Variants in IL1RAPL1 observed in about 807,000 individuals in gnomAD.
The protein encoded by IL1RAPL1 is interleukin-1 receptor accessory protein-like 1.
Under a neutral mutation model 48.4 loss-of-function variants are expected in IL1RAPL1, and 3 were observed. The observed-to-expected ratio is 0.06, with a 90% confidence interval of 0.03 to 0.16. IL1RAPL1 has a LOEUF of 0.16. Ranked by LOEUF, IL1RAPL1 falls within the 10% of genes least tolerant of loss-of-function variation. The pLI, the probability that IL1RAPL1 is intolerant of heterozygous loss-of-function variation, is 1.00. For missense variants in IL1RAPL1, 349 were observed against 530.6 expected, an observed-to-expected ratio of 0.66 and a Z score of 3.36; for synonymous variants, 185 against 187.7, an observed-to-expected ratio of 0.99 and a Z score of 0.12.
At chrX:29,918,007 G>A (rs1187731631) in intron 7 of IL1RAPL1, among the ~76,000 whole-genome samples, 11 of 98,284 alleles carry the variant, frequency 1.1e-4, no homozygotes, top group African/African-American at 3.4e-4. Context: ...CCTATTGTCC[G>A]GGCTACTCGG....
chrX:29,196,067 G>T (rs888278437), intron 2 of IL1RAPL1, among the ~76,000 whole-genome samples: 1 of 112,193 alleles, frequency 8.9e-6, no homozygotes, highest in African/African-American at 3.2e-5. Context: ...CTGTCACCAT[G>T]ATGATTTTAA....
chrX:28,671,730 A>G (rs1934948270), intron 1 of IL1RAPL1, among the ~76,000 whole-genome samples: 1 of 112,373 alleles, frequency 8.9e-6, no homozygotes, highest in South Asian at 3.7e-4. Context: ...TTTTCAGTAG[A>G]AGGAGCATTG....
chrX:29,529,436 A>G (rs1043393176), intron 5 of IL1RAPL1, among the ~76,000 whole-genome samples: 1 of 109,418 alleles, frequency 9.1e-6, no homozygotes, highest in Non-Finnish European at 1.9e-5. Context: ...GCTACTAAAA[A>G]TACAAAAATT....
At chrX:29,540,153 A>G (rs1375381951) in intron 5 of IL1RAPL1, among the ~76,000 whole-genome samples, 2 of 111,519 alleles carry the variant, frequency 1.8e-5, no homozygotes, top group Non-Finnish European at 3.8e-5. Context: ...GTTGAGAGCC[A>G]AATCAAGGAG....
At chrX:29,663,524 T>G (rs1280721835) in intron 5 of IL1RAPL1, among the ~76,000 whole-genome samples, 3 of 112,463 alleles carry the variant, frequency 2.7e-5, no homozygotes, top group Non-Finnish European at 5.6e-5. Context: ...TCATAAATGC[T>G]TTTGAAATTG....
chrX:29,240,285 A>G (rs1320626486), intron 2 of IL1RAPL1, among the ~76,000 whole-genome samples: 1 of 78,402 alleles, frequency 1.3e-5, no homozygotes, highest in Non-Finnish European at 2.2e-5. Flanking sequence ...TCCAGGCTGG[A>G]GTGCAGCGGC....
chrX:28,854,285 G>A (rs987049996), intron 2 of IL1RAPL1, among the ~76,000 whole-genome samples: 3 of 111,547 alleles, frequency 2.7e-5, no homozygotes, highest in Non-Finnish European at 5.7e-5. Context: ...AGTAGCAATA[G>A]GGATGGGGAA....
At chrX:29,292,842 TA>T (rs1273165564) in intron 3 of IL1RAPL1, among the ~76,000 whole-genome samples, 44 of 104,819 alleles carry the variant, frequency 4.2e-4, no homozygotes, top group East Asian at 1.2e-3. Flanking sequence ...CCAGTCCCTT[TA>T]AAAAAAAAAA....
At chrX:28,664,482 G>A (rs1278914120) in intron 1 of IL1RAPL1, among the ~76,000 whole-genome samples, 1 of 111,837 alleles carries the variant, frequency 8.9e-6, no homozygotes. Flanking sequence ...GCTTGCATTG[G>A]TGACATGTGC....
At chrX:29,197,174 C>CT (rs1930460775) in intron 2 of IL1RAPL1, among the ~76,000 whole-genome samples, 1 of 111,344 alleles carries the variant, frequency 9.0e-6, no homozygotes, top group Non-Finnish European at 1.9e-5. Flanking sequence ...ATTTAATTTA[C>CT]TTATATACAA....
intron 3 of IL1RAPL1, among the ~76,000 whole-genome samples, chrX:29,376,694 CCTT>C (rs1269285358): frequency 1.8e-5 from 2 of 111,606 alleles, no homozygotes; most frequent in Non-Finnish European, 3.8e-5. Context: ...TTTTGAGAGA[CCTT>C]CTTGATAGTG....
intron 2 of IL1RAPL1, among the ~76,000 whole-genome samples, chrX:29,215,630 ATATTCT>A (rs758337059): frequency 4.7e-4 from 52 of 111,636 alleles, no homozygotes; most frequent in African/African-American, 1.7e-3. Flanking sequence ...CAAGGGCAAA[ATATTCT>A]TATTAATTGT....
chrX:28,655,077 G>A (rs1934734413), intron 1 of IL1RAPL1, among the ~76,000 whole-genome samples: 1 of 111,019 alleles, frequency 9.0e-6, no homozygotes, highest in African/African-American at 3.3e-5. Flanking sequence ...TTAAAACACT[G>A]AACTGCTTCC....
At chrX:29,635,754 T>C (rs766316430) in intron 5 of IL1RAPL1, among the ~76,000 whole-genome samples, 5 of 109,286 alleles carry the variant, frequency 4.6e-5, no homozygotes, top group Non-Finnish European at 9.5e-5. Context: ...AATTCAATCA[T>C]TAGTAAATTT....
At chrX:28,925,087 G>A (rs755964401) in intron 2 of IL1RAPL1, among the ~76,000 whole-genome samples, 2 of 111,371 alleles carry the variant, frequency 1.8e-5, no homozygotes, top group African/African-American at 6.5e-5. Flanking sequence ...AAATATACTT[G>A]TAATGTTCAC....
chrX:29,882,755 A>G (rs1432895919), intron 6 of IL1RAPL1, among the ~76,000 whole-genome samples: 1 of 112,168 alleles, frequency 8.9e-6, no homozygotes, highest in Non-Finnish European at 1.9e-5. Context: ...ATTAATTTTA[A>G]TTAATGTAAA....
chrX:28,778,487 A>T (rs1016678187), intron 1 of IL1RAPL1, among the ~76,000 whole-genome samples: 1 of 111,958 alleles, frequency 8.9e-6, no homozygotes, highest in Non-Finnish European at 1.9e-5. Context: ...TGACTTTAGA[A>T]CCCAAAAAGT....
intron 5 of IL1RAPL1, among the ~76,000 whole-genome samples, chrX:29,656,995 A>G (rs1925702612): frequency 9.0e-6 from 1 of 110,781 alleles, no homozygotes. Context: ...ACCCTATCAT[A>G]CCTGATCTTT....
chrX:29,025,736 C>T lies in IL1RAPL1; in HGVS notation c.82+236311C>T, dbSNP rs1283852090. 3.6e-5 allele frequency among the ~76,000 whole-genome samples: 4 copies of T among 111,462 alleles called. No individual in the cohort carries two copies. The East Asian group carries it at 8.4e-4, about 23-fold the overall frequency. ...CTTTAGCCTATTTTTCACTACACCA[C>T]GGTGCCTAGGATTAAAGATAAATAT... On this transcript the variant is annotated intron_variant, in intron 2 of 10. Transcript: ENST00000378993.
Sources: gnomAD v4.1 joint callset for allele counts (sites outside exome capture counted in the v4.1 genomes callset) on GRCh38, gnomAD v4.1.1 for gene constraint, MANE v1.5 for transcripts, NCBI Gene and HGNC (gene_info 2026-07-23, HGNC 2026-07-21) for gene names.